Variants in CDKN2A observed in about 807,000 individuals in gnomAD.
The protein encoded by CDKN2A is cyclin-dependent kinase inhibitor 2A.
A neutral mutation model predicts 11.1 loss-of-function variants in CDKN2A; 3 were observed. That is an observed-to-expected ratio of 0.27 (90% CI 0.12 to 0.70). CDKN2A has a LOEUF of 0.70. Ranked by LOEUF, CDKN2A falls within the 30% of genes least tolerant of loss-of-function variation. The pLI, the probability that CDKN2A is intolerant of heterozygous loss-of-function variation, is 0.77. For missense variants in CDKN2A, 265 were observed against 233.6 expected (o/e 1.13, Z -0.88); for synonymous variants, 122 against 108.1 (o/e 1.13, Z -0.80).
In CDKN2A at chr9:21,968,292, G is replaced by C. The variant is rs769718733; in HGVS notation, c.458-50C>G. Reference sequence around the variant, plus strand: ...GCGTTAGAAACCTGAGGTCAAAGATGTGTGGCACATCCCGCCCTCCTCTCT... The same window carrying C: ...GCGTTAGAAACCTGAGGTCAAAGATCTGTGGCACATCCCGCCCTCCTCTCT... On this transcript the variant is annotated intron_variant, in intron 2 of 2. Coordinates refer to ENST00000304494, the MANE Select transcript of CDKN2A (RefSeq NM_000077.5). The surrounding 1 kb of genome is among the most constrained non-coding windows in gnomAD (Gnocchi z 4.7). 2 of 1,603,720 alleles carry C rather than the reference G, an allele frequency of 1.2e-6. No individual in the cohort carries two copies. The highest frequency in any genetic ancestry group is 1.7e-6 in the Non-Finnish European group (2 of 1,170,838).
At chr9:21,987,432 CAGAGAGAGAG>C (rs57973132) in intron 2 of CDKN2A, among the ~76,000 whole-genome samples, 61 of 138,258 alleles carry the variant, frequency 4.4e-4, no homozygotes, top group South Asian at 7.3e-4. Flanking sequence ...CACACACACA[CAGAGAGAGAG>C]AGAGAGAGAG....
chr9:21,970,496 C>T, intron 2 of CDKN2A: 1 of 429,222 alleles, frequency 2.3e-6, no homozygotes, highest in Non-Finnish European at 4.2e-6. Context: ...TGAGGTTGGT[C>T]CAGCCAGCTT....
At chr9:21,975,141 C>T, upstream of CDKN2A, 2 of 1,215,050 alleles carry the variant, frequency 1.6e-6, no homozygotes, top group Non-Finnish European at 2.0e-6. Context: ...TCGCCAGAGC[C>T]AGCGTTGGCA....
In CDKN2A at chr9:21,991,930, C is replaced by T; in HGVS notation, c.-4+1952G>A. On this transcript the variant is annotated intron_variant, in intron 2 of 3. Transcript: ENST00000494262. The surrounding 1 kb of genome is among the most constrained non-coding windows in gnomAD (Gnocchi z 5.2). Reference sequence around the variant, plus strand: ...CTATTAAAGAAAAAAATAACCTGAGCCTTCTGAAGTAGCTATAAACAAATG... The same window carrying T: ...CTATTAAAGAAAAAAATAACCTGAGTCTTCTGAAGTAGCTATAAACAAATG... The T allele has an allele frequency of 1.0e-6, 1 of 984,398 alleles. No individual in the cohort carries two copies. The highest frequency in any genetic ancestry group is 1.2e-6 in the Non-Finnish European group (1 of 829,074). 61.0% of individuals were successfully genotyped at this position (984,398 alleles called of 1,614,324 possible).
In CDKN2A at chr9:21,970,923, C is replaced by T. The variant is rs1563888589; in HGVS notation, c.436G>A (p.Asp146Asn). 6.2e-7 allele frequency: 1 copy of T among 1,612,492 alleles called. No homozygotes were observed. The highest frequency in any genetic ancestry group is 8.5e-7 in the Non-Finnish European group (1 of 1,180,036). Reference protein sequence around the residue: ...GTRGSNHARIDAAEGPSDIPD With the variant: ...GTRGSNHARINAAEGPSDIPD Reference sequence around the variant, plus strand: ...TCACCTGAGGGACCTTCCGCGGCATCTATGCGGGCATGGTTACTGCCTCTG... The same window carrying T: ...TCACCTGAGGGACCTTCCGCGGCATTTATGCGGGCATGGTTACTGCCTCTG... The change falls in exon 2 of 3, where the codon GAT (aspartate) becomes AAT (asparagine). Residue 146 changes from aspartate (D) to asparagine (N), a missense_variant. Transcript: ENST00000304494.
chr9:21,990,646 G>GAGAGAGAGAGAGAGAGAGAGAGAGAGAA (rs1820409892), intron 2 of CDKN2A, among the ~76,000 whole-genome samples: 1 of 149,290 alleles, frequency 6.7e-6, no homozygotes, highest in African/African-American at 2.6e-5. Flanking sequence ...GAGAGAGAGA[G>GAGAGAGAGAGAGAGAGAGAGAGAGAGAA]AGAGAAACTG....
chr9:21,983,211 T>G (rs1037254112), intron 2 of CDKN2A, among the ~76,000 whole-genome samples: 4 of 152,106 alleles, frequency 2.6e-5, no homozygotes, highest in African/African-American at 9.6e-5. Flanking sequence ...CCCCTCATTT[T>G]TGAATGATTT....
chr9:21,972,254 A>G (rs757562422), intron 1 of CDKN2A, among the ~76,000 whole-genome samples: 30 of 152,028 alleles, frequency 2.0e-4, no homozygotes, highest in Non-Finnish European at 4.0e-4. Context: ...CCCCACCCCC[A>G]ATGTCTATGT....
chr9:21,970,439 T>A (rs1002172003), intron 2 of CDKN2A: 2 of 356,666 alleles, frequency 5.6e-6, no homozygotes, highest in Non-Finnish European at 1.0e-5. Context: ...AGAGCCGAGA[T>A]CGAGAGATCT....
intron 1 of CDKN2A, chr9:21,994,574 C>CTGT: frequency 9.9e-7 from 1 of 1,006,346 alleles, no homozygotes; most frequent in South Asian, 2.4e-5. Context: ...GGCTCTGAGC[C>CTGT]CTGCGCACGC....
intron 2 of CDKN2A, among the ~76,000 whole-genome samples, chr9:21,982,466 A>C (rs2131129428): frequency 6.7e-6 from 1 of 149,970 alleles, no homozygotes; most frequent in Middle Eastern, 3.4e-3. Flanking sequence ...ATTATTCCTT[A>C]ACTTTTTTGT....
Position 21,991,667 on chromosome 9 carries a change from C to G in CDKN2A, c.-4+2215G>C. Reference sequence around the variant, plus strand: ...ATGGTAGTTGATAGTGATGAACTAACGTGGAATAATAGATCTGTAAACCAT... The same window carrying G: ...ATGGTAGTTGATAGTGATGAACTAAGGTGGAATAATAGATCTGTAAACCAT... On this transcript the variant is annotated intron_variant, in intron 2 of 3. Transcript: ENST00000494262. The surrounding 1 kb of genome is among the most constrained non-coding windows in gnomAD (Gnocchi z 5.2). The G allele has an allele frequency of 3.0e-6, 3 of 984,596 alleles. No homozygotes were observed. The highest frequency in any genetic ancestry group is 3.6e-6 in the Non-Finnish European group (3 of 829,252). 61.0% of individuals were successfully genotyped at this position (984,596 alleles called of 1,614,324 possible). A position where few individuals can be genotyped will look rare whatever the true frequency, so the allele number is the denominator to read the frequency against.
At chr9:21,993,857 C>G in intron 2 of CDKN2A, 1 of 518,748 alleles carries the variant, frequency 1.9e-6, no homozygotes, top group Non-Finnish European at 3.5e-6. Context: ...CTTAGTCATT[C>G]CCACCCAGGA....
At chr9:21,990,993 A>G (rs1173208719) in intron 2 of CDKN2A, among the ~76,000 whole-genome samples, 3 of 152,354 alleles carry the variant, frequency 2.0e-5, no homozygotes, top group East Asian at 1.9e-4. Flanking sequence ...TAGAGAAGAT[A>G]TTAGTAGTTA....
Position 21,967,907 on chromosome 9 carries a change from C to T in CDKN2A, c.*322G>A. 5.3e-6 allele frequency: 2 copies of T among 375,546 alleles called. No homozygotes were observed. The highest frequency in any genetic ancestry group is 9.6e-6 in the Non-Finnish European group (2 of 208,622). The allele number at this position is 375,546 out of a possible 1,614,324, so 23.3% of individuals were successfully genotyped here. ...GACAGCTTCCGGAGGCTGCGAGGCT[C>T]GCAAGAAATGCCCACATGAATGTGC... is the stretch of plus-strand genomic sequence containing the variant. On this transcript the variant is annotated 3_prime_UTR_variant, in exon 3 of 3. Transcript: ENST00000304494.
chr9:21,972,497 G>C (rs915636718), intron 1 of CDKN2A, among the ~76,000 whole-genome samples: 1 of 152,164 alleles, frequency 6.6e-6, no homozygotes, highest in African/African-American at 2.4e-5. Flanking sequence ...GTCACTAGAA[G>C]CTGGAAAAGA....
intron 1 of CDKN2A, chr9:21,994,807 T>C (rs1820566316): frequency 1.2e-5 from 2 of 166,700 alleles, no homozygotes; most frequent in South Asian, 1.9e-4. Flanking sequence ...ATCCGTCACC[T>C]GACACGGCCC....
At chr9:21,993,221 A>T (rs552925987) in intron 2 of CDKN2A, among the ~76,000 whole-genome samples, 37 of 152,336 alleles carry the variant, frequency 2.4e-4, no homozygotes, top group African/African-American at 8.7e-4. Flanking sequence ...TTATTACACA[A>T]GTTTTAATTA....
intron 2 of CDKN2A, among the ~76,000 whole-genome samples, chr9:21,982,324 T>G (rs1415986811): frequency 1.3e-5 from 2 of 152,176 alleles, no homozygotes; most frequent in Admixed American, 6.5e-5. Context: ...TATTACTTAT[T>G]ATATAGCAGG....
Sources: allele counts gnomAD v4.1 joint callset (sites outside exome capture counted in the v4.1 genomes callset), GRCh38; gene constraint gnomAD v4.1.1; non-coding constraint Gnocchi (gnomAD v3.1); transcripts MANE v1.5; gene names NCBI Gene and HGNC (gene_info 2026-07-23, HGNC 2026-07-21).